Variants in CFAP251 observed in about 807,000 individuals in gnomAD.
The protein encoded by CFAP251 is cilia- and flagella-associated protein 251.
CFAP251 carries 93 observed loss-of-function variants against 126.7 expected under a neutral mutation model. That is an observed-to-expected ratio of 0.73 (90% CI 0.62 to 0.87). The LOEUF (loss-of-function observed/expected upper bound fraction) is 0.87, where lower values mean the gene tolerates loss of function less well. CFAP251 is among the 40% of genes least tolerant of loss of function. The pLI, the probability that CFAP251 is intolerant of heterozygous loss-of-function variation, is 0.00. For synonymous variants in CFAP251, 503 were observed against 506.9 expected (o/e 0.99, Z 0.10); for missense variants, 1,287 against 1,389.2 (o/e 0.93, Z 1.17).
At chr12:121,975,866 T>G (rs1332881272) in intron 19 of CFAP251, among the ~76,000 whole-genome samples, 181 bp downstream of exon 19, 2 of 152,186 alleles carry the variant, frequency 1.3e-5, no homozygotes, top group African/African-American at 4.8e-5. Flanking sequence ...AGAGATATGC[T>G]GTTTCTGAAA....
intron 19 of CFAP251, among the ~76,000 whole-genome samples, chr12:121,982,209 AT>A (rs879531460): frequency 3.0e-3 from 437 of 143,522 alleles, no homozygotes; most frequent in Middle Eastern, 7.3e-3. Context: ...CTTGTTCAGG[AT>A]TTTTTTTTTT....
chr12:121,924,495 C>T lies in CFAP251; in HGVS notation c.747+505C>T, dbSNP rs533588714. Among the ~76,000 whole-genome samples, 11 of 142,516 alleles carry T rather than the reference C, an allele frequency of 7.7e-5. No individual in the cohort carries two copies. In the South Asian group the frequency reaches 9.1e-4, roughly 12 times the overall value. 93.5% of individuals were successfully genotyped at this position (142,516 alleles called of 152,430 possible). ...TTGCCCAGGCTGGAGTGCAATGGCA[C>T]GATCTTGGCTCACTGCAACCTCCGC... On this transcript the variant is annotated intron_variant, in intron 3 of 21. Transcript: ENST00000288912.
rs950655699 is a variant in CFAP251, at chr12:121,921,299, G to A, written c.-7G>A. On this transcript the variant is annotated 5_prime_UTR_variant, in exon 2 of 22. Transcript: ENST00000288912. ...AAATCTCTCTAGAGGAAACTCTACA[G>A]AGAAGAATGTCAGATGCAGCAGAAG... The A allele has an allele frequency of 6.4e-7, 1 of 1,573,634 alleles. No individual in the cohort carries two copies. The highest frequency in any genetic ancestry group is 8.6e-7 in the Non-Finnish European group (1 of 1,165,906).
intron 19 of CFAP251, among the ~76,000 whole-genome samples, chr12:121,981,851 CAA>C (rs1231410769): frequency 6.6e-6 from 1 of 152,182 alleles, no homozygotes; most frequent in African/African-American, 2.4e-5. Context: ...ACGACTTGGT[CAA>C]GTTTCAGAAC....
chr12:121,937,036 C>T (rs1880922600), intron 5 of CFAP251, among the ~76,000 whole-genome samples: 1 of 152,182 alleles, frequency 6.6e-6, no homozygotes, highest in Non-Finnish European at 1.5e-5. Context: ...AAGTGACTTT[C>T]CCATTTGTGA....
At chr12:121,968,960 A>G (rs1481365526) in intron 17 of CFAP251, 3 of 985,274 alleles carry the variant, frequency 3.0e-6, no homozygotes, top group Non-Finnish European at 3.6e-6. Flanking sequence ...TCATCTACCC[A>G]AATCCGGCAT....
chr12:122,002,628 A>G (rs1392715852), intron 21 of CFAP251, among the ~76,000 whole-genome samples: 1 of 152,186 alleles, frequency 6.6e-6, no homozygotes, highest in Non-Finnish European at 1.5e-5. Flanking sequence ...ACAAGCTGCC[A>G]AAACTTTCAG....
At chr12:121,921,155 A>T (rs2004863) in intron 1 of CFAP251, 131 bp from the exon 2 acceptor site, 50,477 of 1,076,312 alleles carry the variant, frequency 0.047, 1,385 homozygotes, top group African/African-American at 0.056. Context: ...GGTCAGAAAC[A>T]TGACATTCTT....
intron 4 of CFAP251, chr12:121,933,671 T>C (rs374402047): frequency 1.3e-5 from 2 of 152,274 alleles, no homozygotes; most frequent in South Asian, 4.1e-4. Context: ...ATGTAAAAAT[T>C]AGCTGGGCAC....
At chr12:121,985,657 C>T (rs975814805) in intron 19 of CFAP251, among the ~76,000 whole-genome samples, 1 of 151,674 alleles carries the variant, frequency 6.6e-6, no homozygotes, top group African/African-American at 2.4e-5. Context: ...GATGGAGTCT[C>T]ACTACGTTGC....
At chr12:121,919,231 G>A (rs1880056276) in intron 1 of CFAP251, among the ~76,000 whole-genome samples, 1 of 151,524 alleles carries the variant, frequency 6.6e-6, no homozygotes, top group African/African-American at 2.4e-5. Context: ...TTTCTACTCT[G>A]TACTCTCTGG....
At chr12:121,929,085 G>T (rs964526682) in intron 3 of CFAP251, among the ~76,000 whole-genome samples, 13 of 152,056 alleles carry the variant, frequency 8.5e-5, no homozygotes, top group African/African-American at 3.1e-4. Context: ...CACTTTGGGA[G>T]ACTGAGGCAG....
chr12:121,992,110 G>A (rs1426468990), intron 19 of CFAP251: 2 of 678,810 alleles, frequency 2.9e-6, no homozygotes, highest in Non-Finnish European at 3.6e-6. Flanking sequence ...TCAAAGGCCA[G>A]GCTGACTGAC....
chr12:121,954,765 C>T (rs1444830062), intron 10 of CFAP251, among the ~76,000 whole-genome samples: 4 of 142,098 alleles, frequency 2.8e-5, no homozygotes, highest in African/African-American at 1.0e-4. Flanking sequence ...AGGAAAAGAA[C>T]TGAGAACTAA....
At chr12:121,948,851 C>T (rs113450643) in intron 7 of CFAP251, 133 bp from the exon 8 acceptor site, 2 of 529,928 alleles carry the variant, frequency 3.8e-6, no homozygotes, top group South Asian at 2.7e-5. Context: ...TTTTTTTTTA[C>T]GAAATGCGGT....
In CFAP251 at chr12:121,992,141, C is replaced by T. The variant is rs924413090; in HGVS notation, c.3007-7575C>T. 3.8e-5 allele frequency: 35 copies of T among 932,520 alleles called. 1 individual carries two copies. The highest frequency in any genetic ancestry group is 3.6e-4 in the African/African-American group (20 of 56,164). The allele number at this position is 932,520 out of a possible 1,614,324, so 57.8% of individuals were successfully genotyped here. On this transcript the variant is annotated intron_variant, in intron 19 of 21. Transcript: ENST00000288912. ...CTGACAACCACCAGTGCGTCTGGGC[C>T]GCTCAGCTAGGACTCCTGCTTCTCT...
rs755501293 is a variant in CFAP251, at chr12:121,958,394, A to C, written c.1853A>C (p.Gln618Pro). 1.2e-6 allele frequency: 2 copies of C among 1,614,082 alleles called. No homozygotes were observed. The highest frequency in any genetic ancestry group is 1.7e-6 in the Non-Finnish European group (2 of 1,180,050). Residue 618 changes from glutamine (Q) to proline (P), a missense_variant, in exon 12 of 22, where the codon CAA becomes CCA. Gln to Pro is a moderately conservative substitution (Grantham distance 76). Coordinates refer to ENST00000288912, the MANE Select transcript of CFAP251 (RefSeq NM_144668.6). ...AICAISCHPY[Q>P]PLIAIGSICG... ...TGTGCCATCTCCTGCCACCCATATC[A>C]ACCCCTCATTGCCATCGGGAGCATC...
At chr12:121,998,723 T>TA (rs34060310) in intron 19 of CFAP251, 45,679 of 144,426 alleles carry the variant, frequency 0.32, 9,316 homozygotes, top group Non-Finnish European at 0.47. Flanking sequence ...ACCCCGTCTC[T>TA]AAAAAAAAAT....
chr12:121,958,669 T>C (rs552777456), intron 12 of CFAP251, 147 bp downstream of exon 12: 74 of 1,318,436 alleles, frequency 5.6e-5, no homozygotes, highest in African/African-American at 7.6e-5. Flanking sequence ...GGGGCTCCCG[T>C]GGTGTTCTGG....
Sources: gnomAD v4.1 joint callset for allele counts (sites outside exome capture counted in the v4.1 genomes callset) on GRCh38, gnomAD v4.1.1 for gene constraint, MANE v1.5 for transcripts, NCBI Gene and HGNC (gene_info 2026-07-23, HGNC 2026-07-21) for gene names.